The following PRRC2B variants were observed in gnomAD, a reference collection of about 807,000 sequenced individuals.
PRRC2B encodes the protein protein PRRC2B.
In PRRC2B, 68 loss-of-function variants were observed where a neutral mutation model predicts 242.3. The observed-to-expected ratio is 0.28, with a 90% CI of 0.23 to 0.34. The LOEUF is 0.34. Among genes scored for constraint, PRRC2B ranks in the 10% least tolerant of loss-of-function variants. The pLI is 1.00. For missense variants in PRRC2B, 2,835 were observed against 2,954.8 expected (o/e 0.96, Z 0.94); for synonymous variants, 1,228 against 1,173.6 (o/e 1.05, Z -0.95).
chr9:131,446,675 A>G lies in PRRC2B; in HGVS notation c.855+33A>G, dbSNP rs758768745. 4 of 1,609,106 alleles carry G rather than the reference A, an allele frequency of 2.5e-6. No homozygotes were observed. In the African/African-American group the frequency reaches 5.3e-5, roughly 22 times the overall value. ...TTCAGAGTGTACTTTTTTTCCCCCCATGAAGTTGGATTGTGTCCAGCAGAT... is the reference window on the plus strand; with the variant it reads ...TTCAGAGTGTACTTTTTTTCCCCCCGTGAAGTTGGATTGTGTCCAGCAGAT... On this transcript the variant is annotated intron_variant, in intron 7 of 31. Transcript: ENST00000683519. The surrounding 1 kb of genome is among the most constrained non-coding windows in gnomAD (Gnocchi z 4.1).
At position 131,482,506 on chromosome 9, in the gene PRRC2B, G is replaced by A; in HGVS notation, c.5119G>A (p.Ala1707Thr). The A allele has an allele frequency of 6.2e-7, 1 of 1,611,158 alleles. No individual in the cohort carries two copies. Among genetic ancestry groups the A allele is most frequent in the Non-Finnish European group, 8.5e-7 (1 of 1,177,618 alleles). The change falls in exon 21 of 32, where the codon GCG becomes ACG. Residue 1707 changes from alanine (A) to threonine (T), a missense_variant. By Grantham distance (58) the Ala-to-Thr change is moderately conservative. Around this residue, in one of 7 missense-constraint regions of PRRC2B, gnomAD observed 51 missense variants for 45.1 expected, o/e 1.13. Coordinates refer to ENST00000683519, the MANE Select transcript of PRRC2B (RefSeq NM_013318.4). This position sits in a 1 kb window ranked among gnomAD's most constrained non-coding sequence, Gnocchi z 5.2. ...AGAGGAGATGAGCGGGCCCGGCCTG[G>A]CGGAACCCAAGGCCGACAGCCACAA... ...KPEEMSGPGL[A>T]EPKADSHKEQ...
chr9:131,400,130 C>G lies in PRRC2B; in HGVS notation c.-52+5867C>G, dbSNP rs373126306. On this transcript the variant is annotated intron_variant, in intron 1 of 31. Transcript: ENST00000683519. ...GCAGGGTCTCACTTTGTCGCCCAGT[C>G]TGGAGTGCAGTGATGTGATCTCAGC... Among the ~76,000 whole-genome samples, 6 of 152,220 alleles carry G rather than the reference C, an allele frequency of 3.9e-5. No homozygotes were observed. The South Asian group carries it at 6.2e-4, about 16-fold the overall frequency.
At chr9:131,410,130 C>G (rs1433548341) in intron 1 of PRRC2B, among the ~76,000 whole-genome samples, 1 of 152,190 alleles carries the variant, frequency 6.6e-6, no homozygotes, top group Non-Finnish European at 1.5e-5. Flanking sequence ...ACCCCCCTTG[C>G]TAAATTAACC....
At position 131,458,435 on chromosome 9, in the gene PRRC2B, C is replaced by T. The variant is rs565443111; in HGVS notation, c.1212-729C>T. ...TGTCTTGAGCCACACATAAAATACA[C>T]TAACACTAACGATAGCTGATAAGCT... On this transcript the variant is annotated intron_variant, in intron 10 of 31. Transcript: ENST00000683519. Among the ~76,000 whole-genome samples the T allele has an allele frequency of 2.0e-5, 3 of 152,184 alleles. No individual in the cohort carries two copies. In the South Asian group the frequency reaches 6.2e-4, roughly 32 times the overall value.
At position 131,446,488 on chromosome 9, in the gene PRRC2B, A is replaced by T. The variant is rs367606164; in HGVS notation, c.701A>T (p.Asn234Ile). 4.3e-6 allele frequency: 7 copies of T among 1,613,584 alleles called. No individual in the cohort carries two copies. The highest frequency in any genetic ancestry group is 4.5e-5 in the East Asian group (2 of 44,866). The change falls in exon 7 of 32, where the codon AAC (asparagine) becomes ATC (isoleucine). Residue 234 changes from asparagine to isoleucine, a missense_variant. Asn to Ile is a moderately radical substitution (Grantham distance 149). Coordinates refer to ENST00000683519, the MANE Select transcript of PRRC2B (RefSeq NM_013318.4). This position sits in a 1 kb window ranked among gnomAD's most constrained non-coding sequence, Gnocchi z 4.1. ...TCCCCAACTGAGCTGGGCAGCAGGAACTCGAGTACGGGAGATGGAGCCCCC... is the reference window on the plus strand; with the variant it reads ...TCCCCAACTGAGCTGGGCAGCAGGATCTCGAGTACGGGAGATGGAGCCCCC... ...STSPTELGSR[N>I]SSTGDGAPSS...
chr9:131,385,984 C>T (rs939411764), intron 1 of PRRC2B, among the ~76,000 whole-genome samples: 6 of 150,494 alleles, frequency 4.0e-5, no homozygotes, highest in African/African-American at 1.5e-4. Flanking sequence ...TGAACCACGG[C>T]GCCCGGCCAT....
intron 1 of PRRC2B, among the ~76,000 whole-genome samples, chr9:131,416,106 TTTTC>T (rs755733929): frequency 3.1e-4 from 47 of 150,326 alleles, no homozygotes; most frequent in Admixed American, 4.6e-4. Context: ...CTTCGTTTTC[TTTTC>T]TTTCTTTTTT....
rs11448032 is a variant in PRRC2B at position 131,496,627 on chromosome 9, A to AGGGGGGG, written c.*756_*762dup. The AGGGGGGG allele has an allele frequency of 7.0e-6, 1 of 142,638 alleles. No individual in the cohort carries two copies. Among genetic ancestry groups the AGGGGGGG allele is most frequent in the African/African-American group, 2.7e-5 (1 of 37,526 alleles). The allele number at this position is 142,638 out of a possible 1,614,324, so 8.8% of individuals were successfully genotyped here. A position where few individuals can be genotyped will look rare whatever the true frequency, so the allele number is the denominator to read the frequency against. On this transcript the variant is annotated 3_prime_UTR_variant, in exon 32 of 32. Transcript: ENST00000683519. ...CTCAGAGCAGCAGGCAGGTTGGGGG[A>AGGGGGGG]GGGGGGGGGTCATAGTTGGGTTCCA...
At chr9:131,414,926 G>A (rs908528161) in intron 1 of PRRC2B, among the ~76,000 whole-genome samples, 3 of 152,048 alleles carry the variant, frequency 2.0e-5, no homozygotes, top group African/African-American at 4.8e-5. Context: ...CCCTCCACAC[G>A]TGGTCCTTAT....
intron 1 of PRRC2B, among the ~76,000 whole-genome samples, chr9:131,382,994 C>G (rs1836780479): frequency 6.6e-6 from 1 of 152,168 alleles, no homozygotes; most frequent in Admixed American, 6.6e-5. Flanking sequence ...GGGGCCACAT[C>G]TCTAGTGGCT....
chr9:131,477,606 C>T (rs943279673), intron 16 of PRRC2B, 138 bp from the exon 17 acceptor site: 11 of 613,646 alleles, frequency 1.8e-5, no homozygotes, highest in Non-Finnish European at 2.3e-5. Flanking sequence ...GCCAGCCTGC[C>T]GCTCCTCCCC....
At chr9:131,438,238 G>A (rs7049110) in intron 4 of PRRC2B, among the ~76,000 whole-genome samples, 19,301 of 152,152 alleles carry the variant, frequency 0.13, 1,344 homozygotes, top group African/African-American at 0.15. Flanking sequence ...AAAGACGGGT[G>A]AGCTTAGTGG....
chr9:131,476,197 C>T lies in PRRC2B; in HGVS notation c.4068C>T (p.Arg1356=). 6.2e-7 allele frequency: 1 copy of T among 1,613,580 alleles called. No individual in the cohort carries two copies. Among genetic ancestry groups the T allele is most frequent in the East Asian group, 2.2e-5 (1 of 44,872 alleles). ...GGGACAAGAGTGGCACTGTGGGCCG[C>T]AGGTCCCCTGAGCTCTCCTACCAGA... ...CSGDKSGTVG[R]RSPELSYQNS... The change falls in exon 16 of 32, where the codon CGC becomes CGT. Residue 1356 remains arginine, a synonymous_variant. Coordinates refer to ENST00000683519, the MANE Select transcript of PRRC2B (RefSeq NM_013318.4).
At chr9:131,461,468 G>T (rs184601011) in intron 11 of PRRC2B, among the ~76,000 whole-genome samples, 1 of 152,364 alleles carries the variant, frequency 6.6e-6, no homozygotes, top group Admixed American at 6.5e-5. Flanking sequence ...TGAGGAGTGG[G>T]AGGGCTGGGG....
Position 131,475,894 on chromosome 9 carries a change from T to C in PRRC2B, c.3765T>C (p.Tyr1255=), listed in dbSNP as rs1380051504. The C allele has an allele frequency of 1.9e-6, 3 of 1,613,772 alleles. No individual in the cohort carries two copies. The highest frequency in any genetic ancestry group is 1.7e-5 in the Admixed American group (1 of 59,996). The change falls in exon 16 of 32, where the codon TAT becomes TAC. Residue 1255 remains tyrosine (Y), a synonymous_variant. Coordinates refer to ENST00000683519, the MANE Select transcript of PRRC2B (RefSeq NM_013318.4). ...CGSRRPTDRD[Y]VPDSYRHPDA... ...CCCGGCGACCTACAGACAGAGACTA[T>C]GTCCCAGATTCCTACAGACACCCTG...
chr9:131,468,458 AT>A (rs925820487), intron 13 of PRRC2B, among the ~76,000 whole-genome samples: 1 of 151,994 alleles, frequency 6.6e-6, no homozygotes, highest in Non-Finnish European at 1.5e-5. Context: ...CTTTATTTTT[AT>A]TTTTTTATAA....
At chr9:131,471,515 T>G (rs1943545044) in intron 14 of PRRC2B, among the ~76,000 whole-genome samples, 1 of 152,258 alleles carries the variant, frequency 6.6e-6, no homozygotes, top group South Asian at 2.1e-4. Flanking sequence ...TAATATGGTC[T>G]GTGTGATACA....
At chr9:131,383,954 T>G (rs1356596759) in intron 1 of PRRC2B, among the ~76,000 whole-genome samples, 2 of 151,952 alleles carry the variant, frequency 1.3e-5, no homozygotes, top group Non-Finnish European at 2.9e-5. Flanking sequence ...AGGCTTGCTC[T>G]GTCACCCAGG....
chr9:131,475,902 A>T lies in PRRC2B; in HGVS notation c.3773A>T (p.Asp1258Val). Residue 1258 changes from aspartate (D) to valine (V), a missense_variant, in exon 16 of 32, where the codon GAT (aspartate) becomes GTT (valine). Physicochemically the swap from Asp to Val is radical, Grantham distance 152. Transcript: ENST00000683519. ...RRPTDRDYVPDSYRHPDAFGG... is the reference protein window; with the variant it reads ...RRPTDRDYVPVSYRHPDAFGG... The stretch of plus-strand genomic sequence containing the variant: ...CCTACAGACAGAGACTATGTCCCAG[A>T]TTCCTACAGACACCCTGACGCATTT... 6.2e-7 allele frequency: 1 copy of T among 1,613,878 alleles called. No individual in the cohort carries two copies. The highest frequency in any genetic ancestry group is 2.2e-5 in the East Asian group (1 of 44,856).
Sources: gnomAD v4.1 joint callset for allele counts (sites outside exome capture counted in the v4.1 genomes callset) on GRCh38, gnomAD v4.1.1 for gene constraint, gnomAD v4.1.1 regional missense constraint, Gnocchi (gnomAD v3.1) non-coding constraint, MANE v1.5 for transcripts, NCBI Gene and HGNC (gene_info 2026-07-23, HGNC 2026-07-21) for gene names.